The following CSRNP3 variants were observed in gnomAD, a reference collection of about 807,000 sequenced individuals.
The protein encoded by CSRNP3 is cysteine and serine rich nuclear protein 3.
Under a neutral mutation model 48.0 loss-of-function variants are expected in CSRNP3, and 12 were observed. The ratio of observed to expected loss-of-function variants is 0.25; its 90% confidence interval spans 0.16 to 0.41. CSRNP3 has a LOEUF of 0.41. Among genes scored for constraint, CSRNP3 ranks in the 10% least tolerant of loss-of-function variants. The probability of loss-of-function intolerance (pLI) is 1.00; values close to 1 mark genes in which losing one functional copy is unlikely to be tolerated. For missense variants in CSRNP3, 580 were observed against 724.4 expected (o/e 0.80, Z 2.29); for synonymous variants, 263 against 269.7 (o/e 0.98, Z 0.24).
intron 2 of CSRNP3, among the ~76,000 whole-genome samples, chr2:165,495,249 C>T (rs1214877002): frequency 3.9e-5 from 6 of 151,934 alleles, no homozygotes; most frequent in Admixed American, 6.6e-5. Context: ...CCATTTTGAA[C>T]GTCTATAGAT....
chr2:165,642,103 A>AACACACACACACACACACACAC (rs58624766), intron 4 of CSRNP3, among the ~76,000 whole-genome samples: 1 of 132,104 alleles, frequency 7.6e-6, no homozygotes, highest in Non-Finnish European at 1.7e-5. Flanking sequence ...CACACACACA[A>AACACACACACACACACACACAC]ACACACACAC....
intron 3 of CSRNP3, among the ~76,000 whole-genome samples, chr2:165,588,940 C>T (rs368576585): frequency 7.2e-5 from 11 of 151,880 alleles, no homozygotes; most frequent in Non-Finnish European, 1.6e-4. Context: ...CCAGACTAGG[C>T]GACAGAAACC....
chr2:165,604,823 C>T (rs1685981632), intron 4 of CSRNP3, among the ~76,000 whole-genome samples: 1 of 152,142 alleles, frequency 6.6e-6, no homozygotes, highest in Non-Finnish European at 1.5e-5. Context: ...TCATTTAGTT[C>T]TTGTTTGATT....
chr2:165,546,537 A>G (rs1178564144), intron 3 of CSRNP3, among the ~76,000 whole-genome samples: 3 of 152,266 alleles, frequency 2.0e-5, no homozygotes, highest in Non-Finnish European at 4.4e-5. Flanking sequence ...ATGCTACCTA[A>G]AAGCTCAATG....
At chr2:165,590,744 C>T (rs551796494) in intron 3 of CSRNP3, among the ~76,000 whole-genome samples, 21 of 152,294 alleles carry the variant, frequency 1.4e-4, no homozygotes, top group African/African-American at 3.6e-4. Context: ...TGAAGAAGGA[C>T]GTGTTTGCTT....
intron 3 of CSRNP3, among the ~76,000 whole-genome samples, chr2:165,540,344 G>C (rs931548357): frequency 3.3e-5 from 5 of 152,062 alleles, no homozygotes; most frequent in African/African-American, 1.2e-4. Flanking sequence ...TATTGGGTAA[G>C]TTGATATTCT....
chr2:165,613,294 A>G (rs552557822), intron 4 of CSRNP3, among the ~76,000 whole-genome samples: 13 of 152,168 alleles, frequency 8.5e-5, no homozygotes, highest in Admixed American at 1.3e-4. Context: ...AGTTGTTTGA[A>G]TTCCTCATAT....
At chr2:165,532,062 A>C (rs1684820255) in intron 3 of CSRNP3, among the ~76,000 whole-genome samples, 1 of 152,206 alleles carries the variant, frequency 6.6e-6, no homozygotes, top group Non-Finnish European at 1.5e-5. Flanking sequence ...TTGAGGCAAC[A>C]ATCAATAGCT....
chr2:165,511,882 C>T (rs73027970), intron 2 of CSRNP3, among the ~76,000 whole-genome samples: 2,682 of 152,204 alleles, frequency 0.018, 82 homozygotes, highest in African/African-American at 0.061. Flanking sequence ...TTCCAGGGGG[C>T]AGGTTCATAG....
intron 5 of CSRNP3, 110 bp downstream of exon 5, chr2:165,658,130 A>G: frequency 8.2e-7 from 1 of 1,222,318 alleles, no homozygotes; most frequent in Non-Finnish European, 1.1e-6. Context: ...TTTACATAAC[A>G]GACTGCTTGC....
At chr2:165,652,645 T>A (rs1686933690) in intron 4 of CSRNP3, among the ~76,000 whole-genome samples, 1 of 152,068 alleles carries the variant, frequency 6.6e-6, no homozygotes, top group African/African-American at 2.4e-5. Flanking sequence ...TGGGCTCAAG[T>A]GATGATTGTG....
intron 3 of CSRNP3, among the ~76,000 whole-genome samples, chr2:165,528,360 T>C (rs995028916): frequency 1.3e-5 from 2 of 152,216 alleles, no homozygotes; most frequent in African/African-American, 4.8e-5. Context: ...TTTTGTTGCT[T>C]GATCTTTTAG....
chr2:165,622,111 G>A (rs560089166), intron 4 of CSRNP3, among the ~76,000 whole-genome samples: 2 of 152,068 alleles, frequency 1.3e-5, no homozygotes, highest in Admixed American at 6.5e-5. Context: ...TAACTTCTGA[G>A]ATTACCATGA....
intron 1 of CSRNP3, among the ~76,000 whole-genome samples, chr2:165,480,186 G>A (rs4438496): frequency 0.24 from 36,617 of 151,956 alleles, 4,595 homozygotes; most frequent in East Asian, 0.38. Context: ...CTCTCTCATC[G>A]AATCCCTCTC....
intron 5 of CSRNP3, among the ~76,000 whole-genome samples, chr2:165,671,856 G>A (rs960903448): frequency 6.6e-6 from 1 of 151,994 alleles, no homozygotes; most frequent in African/African-American, 2.4e-5. Flanking sequence ...TCTTCCACTA[G>A]ATAACCCAAA....
chr2:165,595,289 C>G lies in CSRNP3; in HGVS notation c.148+76C>G, dbSNP rs181092292. The G allele has an allele frequency of 3.1e-5, 41 of 1,341,638 alleles. 1 individual carries two copies. The East Asian group carries it at 8.7e-4, about 28-fold the overall frequency. 83.1% of individuals were successfully genotyped at this position (1,341,638 alleles called of 1,614,324 possible). ...CTAATTGTGTCATTTTTATTTTTACCTTTCATGCTAGCTATATATATTTTC... is the reference window on the plus strand; with the variant it reads ...CTAATTGTGTCATTTTTATTTTTACGTTTCATGCTAGCTATATATATTTTC... On this transcript the variant is annotated intron_variant, in intron 4 of 6. Transcript: ENST00000651982.
chr2:165,681,237 A>G lies in CSRNP3; in HGVS notation c.*1484A>G, dbSNP rs1181850979. ...TTTTTTTTTCCAATGCAATATGACT[A>G]TGCTAAACCTGTTTCATATTTTTGA... On this transcript the variant is annotated 3_prime_UTR_variant, in exon 7 of 7. Coordinates refer to ENST00000651982, the MANE Select transcript of CSRNP3 (RefSeq NM_001172173.2). 3 of 152,102 alleles carry G rather than the reference A, an allele frequency of 2.0e-5. No homozygotes were observed. The highest frequency in any genetic ancestry group is 6.6e-5 in the Admixed American group (1 of 15,266). 9.4% of individuals were successfully genotyped at this position (152,102 alleles called of 1,614,324 possible).
chr2:165,571,808 A>G (rs954307822), intron 3 of CSRNP3, among the ~76,000 whole-genome samples: 2 of 152,242 alleles, frequency 1.3e-5, no homozygotes, highest in African/African-American at 4.8e-5. Flanking sequence ...TCACCTTCTC[A>G]TCTACTTTAT....
intron 3 of CSRNP3, among the ~76,000 whole-genome samples, chr2:165,545,293 A>G (rs960619471): frequency 1.3e-5 from 2 of 152,206 alleles, no homozygotes; most frequent in African/African-American, 4.8e-5. Context: ...GGCAGTCACT[A>G]CAGGAGACAT....
Sources: gnomAD v4.1 joint callset for allele counts (sites outside exome capture counted in the v4.1 genomes callset) on GRCh38, gnomAD v4.1.1 for gene constraint, MANE v1.5 for transcripts, NCBI Gene and HGNC (gene_info 2026-07-23, HGNC 2026-07-21) for gene names.